The following SALL4 variants were observed in gnomAD, a reference collection of about 807,000 sequenced individuals.
The protein encoded by SALL4 is spalt like transcription factor 4, also known as sal-like protein 4.
SALL4 carries 4 observed loss-of-function variants against 60.8 expected under a neutral mutation model. The ratio of observed to expected loss-of-function variants is 0.07; its 90% CI spans 0.03 to 0.15. SALL4 has a LOEUF of 0.15. Among genes scored for constraint, SALL4 ranks in the 10% least tolerant of loss-of-function variants. The pLI is 1.00. For missense variants in SALL4, 1,178 were observed against 1,394.7 expected, an observed-to-expected ratio of 0.84 and a Z score of 2.48; for synonymous variants, 580 against 574.9, an observed-to-expected ratio of 1.01 and a Z score of -0.13.
chr20:51,784,498 T>C lies in SALL4; in HGVS notation c.2929A>G (p.Asn977Asp). 1 of 1,613,692 alleles carries C rather than the reference T, an allele frequency of 6.2e-7. No individual in the cohort carries two copies. Among genetic ancestry groups the C allele is most frequent in the Non-Finnish European group, 8.5e-7 (1 of 1,179,634 alleles). ...TTGGTCTTCACGGCCAGACCGCCAT[T>C]GAGCATGCTGGTGTACTGGTTCCAC... ...VVWNQYTSML[N>D]GGLAVKTNEI... Residue 977 changes from asparagine (N) to aspartate (D), a missense_variant, in exon 4 of 4, where the codon AAT becomes GAT. Asn to Asp is a conservative substitution (Grantham distance 23). Around this residue, in one of 5 missense-constraint regions of SALL4, gnomAD observed 174 missense variants for 169.6 expected, o/e 1.03. Coordinates refer to ENST00000217086, the MANE Select transcript of SALL4 (RefSeq NM_020436.5).
At position 51,801,186 on chromosome 20, in the gene SALL4, G is replaced by A. The variant is rs2078107468; in HGVS notation, c.130+1093C>T. Among the ~76,000 whole-genome samples, 1 of 152,162 alleles carries A rather than the reference G, an allele frequency of 6.6e-6. No individual in the cohort carries two copies. Among genetic ancestry groups the A allele is most frequent in the Non-Finnish European group, 1.5e-5 (1 of 68,036 alleles). On this transcript the variant is annotated intron_variant, in intron 1 of 3. Transcript: ENST00000217086. This position sits in a 1 kb window ranked among gnomAD's most constrained non-coding sequence, Gnocchi z 5.2. Reference sequence around the variant, plus strand: ...ATTTGGCGGGCCGGGATGGAGACGAGATAGTGGAAAACCGCCTCGCTCCTA... The same window carrying A: ...ATTTGGCGGGCCGGGATGGAGACGAAATAGTGGAAAACCGCCTCGCTCCTA...
intron 1 of SALL4, among the ~76,000 whole-genome samples, chr20:51,792,561 C>A (rs967196455): frequency 2.0e-5 from 3 of 151,758 alleles, no homozygotes; most frequent in Non-Finnish European, 4.4e-5. Context: ...TGGTGGTGGG[C>A]TCCTGTGGTC....
At position 51,790,177 on chromosome 20, in the gene SALL4, T is replaced by C; in HGVS notation, c.2306A>G (p.Asp769Gly). ...TGGGCTTCGGCTCTGATACTCCTGGTCTCCCATCAGCGAGGATGAGTCGTT... is the reference window on the plus strand; with the variant it reads ...TGGGCTTCGGCTCTGATACTCCTGGCCTCCCATCAGCGAGGATGAGTCGTT... ...LTNDSSSLMG[D>G]QEYQSRSPDI... is the part of the protein sequence containing the mutation. Residue 769 changes from aspartate (D) to glycine (G), a missense_variant, in exon 2 of 4, where the codon GAC becomes GGC. By Grantham distance (94) the Asp-to-Gly change is moderately conservative (BLOSUM62 -1). This residue lies in a region of SALL4 where 853 missense variants were observed against 1,036.8 expected (regional missense o/e 0.82). Transcript: ENST00000217086. The surrounding 1 kb of genome is among the most constrained non-coding windows in gnomAD (Gnocchi z 5.5). The C allele has an allele frequency of 6.2e-7, 1 of 1,614,106 alleles. No individual in the cohort carries two copies.
In SALL4 at chr20:51,784,400, A is replaced by G. The variant is rs2077975846; in HGVS notation, c.3027T>C (p.Asn1009=). The change falls in exon 4 of 4, where the codon AAT becomes AAC. Residue 1009 remains asparagine (N), a synonymous_variant. Transcript: ENST00000217086. The stretch of plus-strand genomic sequence containing the variant: ...CATCCATCTTGGAGACAGTGGCGTT[A>G]TTCACAACGGAGGTGGCCCCCAAGG... The part of the protein sequence containing the change: ...PVSLGATSVV[N]NATVSKMDGS... 2 of 1,614,212 alleles carry G rather than the reference A, an allele frequency of 1.2e-6. No homozygotes were observed. Among genetic ancestry groups the G allele is most frequent in the South Asian group, 2.2e-5 (2 of 91,090 alleles).
Position 51,792,031 on chromosome 20 carries a change from G to A in SALL4, c.452C>T (p.Ser151Phe). ...EDMKEKPDAESVVYLKTETAL... is the reference protein window; with the variant it reads ...EDMKEKPDAEFVVYLKTETAL... ...TGTCTCTGTCTTTAGGTACACCACA[G>A]ACTCCGCATCCGGCTTCTCCTTCAT... The change falls in exon 2 of 4, where the codon TCT (serine) becomes TTT (phenylalanine). Residue 151 changes from serine (S) to phenylalanine (F), a missense_variant. By Grantham distance (155) the Ser-to-Phe change is radical. Transcript: ENST00000217086. The A allele has an allele frequency of 1.2e-6, 2 of 1,614,160 alleles. No homozygotes were observed. The highest frequency in any genetic ancestry group is 1.7e-6 in the Non-Finnish European group (2 of 1,180,032).
chr20:51,793,309 C>T (rs768320381), intron 1 of SALL4, among the ~76,000 whole-genome samples: 7 of 151,306 alleles, frequency 4.6e-5, no homozygotes, highest in Non-Finnish European at 1.0e-4. Context: ...AGTGACACCC[C>T]GTCTCTATAA....
In SALL4 at chr20:51,791,602, A is replaced by G. The variant is rs771629416; in HGVS notation, c.881T>C (p.Leu294Pro). The G allele has an allele frequency of 6.2e-7, 1 of 1,613,616 alleles. No homozygotes were observed. The highest frequency in any genetic ancestry group is 8.5e-7 in the Non-Finnish European group (1 of 1,180,042). ...GGCAGAAGGGATGTTGGCGTGAGGT[A>G]GCTTGGCTTGTTTCAAGGCATCCAG... is the stretch of plus-strand genomic sequence containing the variant. The part of the protein sequence containing the change: ...LSLDALKQAK[L>P]PHANIPSATS... Residue 294 changes from leucine (L) to proline (P), a missense_variant, in exon 2 of 4, where the codon CTA (leucine) becomes CCA (proline). This residue lies in a region of SALL4 where 853 missense variants were observed against 1,036.8 expected (regional missense o/e 0.82). Transcript: ENST00000217086. This position sits in a 1 kb window ranked among gnomAD's most constrained non-coding sequence, Gnocchi z 4.6.
chr20:51,791,658 G>C lies in SALL4; in HGVS notation c.825C>G (p.Leu275=). Residue 275 remains leucine (L), a synonymous_variant, in exon 2 of 4, where the codon CTC becomes CTG. Transcript: ENST00000217086. The surrounding 1 kb of genome is among the most constrained non-coding windows in gnomAD (Gnocchi z 4.6). ...GACCTTGGCTTCCAGCTTTCTGGCT[G>C]AGCAAAGCCACAGCTGCAGAAACCT... ...SQQVSAAVAL[L]SQKAGSQGLS... The C allele has an allele frequency of 6.2e-7, 1 of 1,614,142 alleles. No homozygotes were observed. The highest frequency in any genetic ancestry group is 2.2e-5 in the East Asian group (1 of 44,878).
intron 1 of SALL4, 81 bp from the exon 2 acceptor site, chr20:51,792,433 A>G: frequency 1.3e-6 from 2 of 1,541,950 alleles, no homozygotes. Flanking sequence ...TCACATCTAT[A>G]ATCCTAGCAC....
chr20:51,802,170 T>C, intron 1 of SALL4, 109 bp downstream of exon 1: 2 of 1,357,338 alleles, frequency 1.5e-6, no homozygotes, highest in South Asian at 3.0e-5. Context: ...AAATCTCGGC[T>C]CCTGAATTTG....
At chr20:51,798,371 T>C (rs1303448684) in intron 1 of SALL4, among the ~76,000 whole-genome samples, 1 of 147,180 alleles carries the variant, frequency 6.8e-6, no homozygotes, top group Non-Finnish European at 1.5e-5. Context: ...CAGGCAAGTT[T>C]GCAAACTCCA....
At chr20:51,800,999 T>C (rs1044863403) in intron 1 of SALL4, among the ~76,000 whole-genome samples, 3 of 152,088 alleles carry the variant, frequency 2.0e-5, no homozygotes, top group African/African-American at 4.8e-5. Context: ...AAACCCCGGG[T>C]ATCAGAGATG....
chr20:51,801,842 G>A lies in SALL4; in HGVS notation c.130+437C>T, dbSNP rs2078111625. 6.6e-6 allele frequency among the ~76,000 whole-genome samples: 1 copy of A among 151,804 alleles called. No homozygotes were observed. The highest frequency in any genetic ancestry group is 2.1e-4 in the South Asian group (1 of 4,830). ...TCCAGCCTCCAAGAAAAGCCCCAAG[G>A]GGCTGGTGGAGAGGGTGGGGATCCC... is the stretch of plus-strand genomic sequence containing the variant. On this transcript the variant is annotated intron_variant, in intron 1 of 3. Coordinates refer to ENST00000217086, the MANE Select transcript of SALL4 (RefSeq NM_020436.5). This position sits in a 1 kb window ranked among gnomAD's most constrained non-coding sequence, Gnocchi z 5.2.
In SALL4 at chr20:51,790,058, C is replaced by G. The variant is rs144159154; in HGVS notation, c.2425G>C (p.Ala809Pro). The stretch of plus-strand genomic sequence containing the variant: ...GTGCGGCTGTTCTCGGAGCTCTCTG[C>G]TTTGCTCCCAGCATCGGGAGACTTT... ...KSKSPDAGSKAESSENSRTEM... is the reference protein window; with the variant it reads ...KSKSPDAGSKPESSENSRTEM... The change falls in exon 2 of 4, where the codon GCA becomes CCA. Residue 809 changes from alanine (A) to proline (P), a missense_variant. Coordinates refer to ENST00000217086, the MANE Select transcript of SALL4 (RefSeq NM_020436.5). This position sits in a 1 kb window ranked among gnomAD's most constrained non-coding sequence, Gnocchi z 5.5. The G allele has an allele frequency of 1.2e-6, 2 of 1,614,082 alleles. No individual in the cohort carries two copies. Among genetic ancestry groups the G allele is most frequent in the African/African-American group, 2.7e-5 (2 of 74,936 alleles).
intron 2 of SALL4, among the ~76,000 whole-genome samples, chr20:51,789,643 G>A (rs969693583): frequency 6.6e-6 from 1 of 152,158 alleles, no homozygotes; most frequent in Non-Finnish European, 1.5e-5. Flanking sequence ...TCAAAAAGCA[G>A]TGGCCACTTC....
chr20:51,797,338 T>A (rs1362622476), intron 1 of SALL4: 3 of 152,174 alleles, frequency 2.0e-5, no homozygotes, highest in Non-Finnish European at 4.4e-5. Context: ...ATACACTATG[T>A]TGAGAAGGGA....
At position 51,784,202 on chromosome 20, in the gene SALL4, A is replaced by G; in HGVS notation, c.*63T>C. 1 of 1,588,922 alleles carries G rather than the reference A, an allele frequency of 6.3e-7. No individual in the cohort carries two copies. Among genetic ancestry groups the G allele is most frequent in the Non-Finnish European group, 8.6e-7 (1 of 1,160,242 alleles). Reference sequence around the variant, plus strand: ...AAAACAGGAGGAGATGAGTTCTTACAAAACAAAGCAGATTCTAGAGATTTC... The same window carrying G: ...AAAACAGGAGGAGATGAGTTCTTACGAAACAAAGCAGATTCTAGAGATTTC... On this transcript the variant is annotated 3_prime_UTR_variant, in exon 4 of 4. Transcript: ENST00000217086.
Position 51,791,367 on chromosome 20 carries a change from T to C in SALL4, c.1116A>G (p.Lys372=), listed in dbSNP as rs1424039639. 1 of 1,614,062 alleles carries C rather than the reference T, an allele frequency of 6.2e-7. No individual in the cohort carries two copies. The highest frequency in any genetic ancestry group is 1.3e-5 in the African/African-American group (1 of 74,922). Residue 372 remains lysine, a synonymous_variant, in exon 2 of 4, where the codon AAA becomes AAG. Coordinates refer to ENST00000217086, the MANE Select transcript of SALL4 (RefSeq NM_020436.5). This position sits in a 1 kb window ranked among gnomAD's most constrained non-coding sequence, Gnocchi z 4.6. The part of the protein sequence containing the change: ...KPPNISAVDV[K]PKDEAALYKH... ...TGTAGAGGGCCGCCTCGTCTTTGGG[T>C]TTGACATCCACCGCGGAGATGTTCG...
intron 1 of SALL4, among the ~76,000 whole-genome samples, chr20:51,798,867 A>C (rs2078094224): frequency 6.6e-6 from 1 of 151,952 alleles, no homozygotes; most frequent in South Asian, 2.1e-4. Context: ...AAACAAAACA[A>C]AACAAAACAA....
Sources: gnomAD v4.1 joint callset for allele counts (sites outside exome capture counted in the v4.1 genomes callset) on GRCh38, gnomAD v4.1.1 for gene constraint, gnomAD v4.1.1 regional missense constraint, Gnocchi (gnomAD v3.1) non-coding constraint, MANE v1.5 for transcripts, NCBI Gene and HGNC (gene_info 2026-07-23, HGNC 2026-07-21) for gene names.